ATE1: variants seen among roughly 807,000 people sequenced by gnomAD.
The protein encoded by ATE1 is arginyltransferase 1, also known as arginyl-tRNA--protein transferase 1.
In ATE1, 36 loss-of-function variants were observed where a neutral mutation model predicts 70.5. That is an observed-to-expected ratio of 0.51 (90% confidence interval 0.39 to 0.67). The LOEUF is 0.67. ATE1 is among the 30% of genes least tolerant of loss of function. ATE1 has a pLI of 0.00. For synonymous variants in ATE1, 232 were observed against 219.3 expected, an observed-to-expected ratio of 1.06 and a Z score of -0.51; for missense variants, 593 against 629.5, an observed-to-expected ratio of 0.94 and a Z score of 0.62.
intron 10 of ATE1, among the ~76,000 whole-genome samples, chr10:121,806,143 A>C (rs1035337997): frequency 6.6e-6 from 1 of 152,234 alleles, no homozygotes; most frequent in Non-Finnish European, 1.5e-5. Context: ...AAGGAAACTC[A>C]AATGATACTT....
chr10:121,921,459 C>A lies in ATE1; in HGVS notation c.233+890G>T, dbSNP rs145425720. ...TATTATCTAGTGTGCTCTGGAGATTCTCCCAGCACTCAACATGCAGAGAAG... is the reference window on the plus strand; with the variant it reads ...TATTATCTAGTGTGCTCTGGAGATTATCCCAGCACTCAACATGCAGAGAAG... On this transcript the variant is annotated intron_variant, in intron 3 of 11. Coordinates refer to ENST00000224652, the MANE Select transcript of ATE1 (RefSeq NM_001001976.3). 2.1e-3 allele frequency among the ~76,000 whole-genome samples: 310 copies of A among 151,122 alleles called. 2 individuals carry two copies. The highest frequency in any genetic ancestry group is 7.2e-3 in the African/African-American group (296 of 41,138).
At chr10:121,776,778 T>C (rs1186055261) in intron 11 of ATE1, among the ~76,000 whole-genome samples, 1 of 152,252 alleles carries the variant, frequency 6.6e-6, no homozygotes. Context: ...GAGTATTATA[T>C]GTCAACATAA....
intron 10 of ATE1, among the ~76,000 whole-genome samples, chr10:121,832,545 T>C (rs898945090): frequency 2.0e-5 from 3 of 152,174 alleles, no homozygotes; most frequent in African/African-American, 4.8e-5. Flanking sequence ...CCCCCCATAA[T>C]GTTATCATGG....
chr10:121,830,284 C>T (rs887760303), intron 10 of ATE1, among the ~76,000 whole-genome samples: 2 of 152,050 alleles, frequency 1.3e-5, no homozygotes, highest in African/African-American at 4.8e-5. Context: ...GAACTGCCCT[C>T]GGGAATAGAT....
intron 1 of ATE1, among the ~76,000 whole-genome samples, chr10:121,926,531 C>T (rs1360230076): frequency 1.3e-5 from 2 of 152,078 alleles, no homozygotes; most frequent in African/African-American, 4.8e-5. Flanking sequence ...CAGGTTTCTT[C>T]GACAAAACGT....
chr10:121,780,588 T>C (rs897742086), intron 11 of ATE1, among the ~76,000 whole-genome samples: 1 of 152,198 alleles, frequency 6.6e-6, no homozygotes, highest in Non-Finnish European at 1.5e-5. Flanking sequence ...GGCCTTCCAT[T>C]ACCTTCAGGA....
intron 11 of ATE1, among the ~76,000 whole-genome samples, chr10:121,767,223 C>T (rs780118066): frequency 7.9e-5 from 12 of 151,970 alleles, no homozygotes; most frequent in African/African-American, 2.9e-4. Context: ...TCTCAGAAAA[C>T]GAGGAGTGGA....
chr10:121,846,990 T>C (rs1948850519), intron 8 of ATE1, among the ~76,000 whole-genome samples: 1 of 152,184 alleles, frequency 6.6e-6, no homozygotes, highest in African/African-American at 2.4e-5. Context: ...ATATTCTGTC[T>C]AACATGCTAT....
intron 5 of ATE1, among the ~76,000 whole-genome samples, chr10:121,906,989 T>C (rs941601226): frequency 6.6e-6 from 1 of 152,160 alleles, no homozygotes; most frequent in Non-Finnish European, 1.5e-5. Context: ...GTTTTTAATG[T>C]TTCAGTAACC....
chr10:121,900,084 A>AC, intron 6 of ATE1, 90 bp from the exon 7 acceptor site: 1 of 1,360,404 alleles, frequency 7.4e-7, no homozygotes, highest in Non-Finnish European at 9.9e-7. Context: ...CATCCAAGAA[A>AC]CCAAGTTTCA....
intron 4 of ATE1, among the ~76,000 whole-genome samples, chr10:121,911,968 G>A (rs554561402): frequency 1.1e-4 from 17 of 152,056 alleles, no homozygotes; most frequent in Non-Finnish European, 1.9e-4. Context: ...GGATGGTCTC[G>A]ATCTCCTGAC....
chr10:121,904,766 A>G (rs1318062554), intron 5 of ATE1, among the ~76,000 whole-genome samples: 3 of 152,120 alleles, frequency 2.0e-5, no homozygotes, highest in Non-Finnish European at 4.4e-5. Flanking sequence ...ATCAAAACCT[A>G]GAGTGGTTAA....
At chr10:121,800,087 A>G (rs1946816346) in intron 10 of ATE1, among the ~76,000 whole-genome samples, 2 of 152,202 alleles carry the variant, frequency 1.3e-5, no homozygotes, top group African/African-American at 2.4e-5. Context: ...TTTGGCCTTT[A>G]TAAGAAGACG....
intron 10 of ATE1, among the ~76,000 whole-genome samples, chr10:121,807,994 G>A (rs975047736): frequency 7.9e-5 from 12 of 152,042 alleles, no homozygotes; most frequent in African/African-American, 2.7e-4. Context: ...GACTCTTACT[G>A]TAAAAAAATG....
intron 7 of ATE1, among the ~76,000 whole-genome samples, chr10:121,876,621 A>G (rs2134075578): frequency 6.6e-6 from 1 of 152,342 alleles, no homozygotes; most frequent in South Asian, 2.1e-4. Context: ...AGATAACAGT[A>G]TAACAATTCT....
At chr10:121,886,989 G>A (rs191280249) in intron 7 of ATE1, among the ~76,000 whole-genome samples, 4 of 152,256 alleles carry the variant, frequency 2.6e-5, no homozygotes, top group East Asian at 1.9e-4. Flanking sequence ...AAAACTTCTC[G>A]AGATTAAAGT....
chr10:121,878,959 CAG>C (rs1350896221), intron 7 of ATE1, among the ~76,000 whole-genome samples: 5 of 152,138 alleles, frequency 3.3e-5, no homozygotes, highest in South Asian at 4.2e-4. Context: ...CAATAAAATC[CAG>C]AGATACCAAC....
intron 8 of ATE1, among the ~76,000 whole-genome samples, chr10:121,866,181 C>G (rs1341857304): frequency 6.6e-6 from 1 of 152,322 alleles, no homozygotes; most frequent in South Asian, 2.1e-4. Context: ...GGCAAAGGAA[C>G]AGCAGCCCCT....
At chr10:121,859,711 G>A (rs185830422) in intron 8 of ATE1, among the ~76,000 whole-genome samples, 33 of 152,194 alleles carry the variant, frequency 2.2e-4, no homozygotes, top group Admixed American at 1.8e-3. Context: ...GGAGGCCAAG[G>A]TGGGTGGATC....
Sources: gnomAD v4.1 joint callset for allele counts (sites outside exome capture counted in the v4.1 genomes callset) on GRCh38, gnomAD v4.1.1 for gene constraint, MANE v1.5 for transcripts, NCBI Gene and HGNC (gene_info 2026-07-23, HGNC 2026-07-21) for gene names.